Variants in DUSP22 observed in about 807,000 individuals in gnomAD.
DUSP22 encodes dual specificity phosphatase 22, also known as dual specificity protein phosphatase 22.
Under a neutral mutation model 24.5 loss-of-function variants are expected in DUSP22, and 24 were observed. The observed-to-expected ratio is 0.98, with a 90% CI of 0.71 to 1.38. DUSP22 has a LOEUF of 1.38. Among genes scored for constraint, DUSP22 ranks in the 40% most tolerant of loss-of-function variants. The pLI is 0.00. For missense variants in DUSP22, 330 were observed against 269.2 expected (o/e 1.23, Z -1.58); for synonymous variants, 160 against 106.4 (o/e 1.50, Z -3.10).
At chr6:297,039 A>T (rs7772810) in intron 1 of DUSP22, among the ~76,000 whole-genome samples, 1 of 152,128 alleles carries the variant, frequency 6.6e-6, no homozygotes, top group African/African-American at 2.4e-5. Flanking sequence ...TCTTGTTTCC[A>T]TGGGGAGCGC....
At chr6:346,481 A>G (rs1759881848) in intron 5 of DUSP22, among the ~76,000 whole-genome samples, 2 of 152,284 alleles carry the variant, frequency 1.3e-5, no homozygotes, top group Admixed American at 1.3e-4. Context: ...CTACTGTATC[A>G]CGCTTAACCC....
chr6:326,954 C>T (rs560213353), intron 3 of DUSP22, among the ~76,000 whole-genome samples: 14 of 152,418 alleles, frequency 9.2e-5, no homozygotes, highest in East Asian at 7.7e-4. Flanking sequence ...CTGTCTAGAC[C>T]GAGGCTTGGC....
intron 1 of DUSP22, among the ~76,000 whole-genome samples, chr6:297,558 T>C (rs1757395341): frequency 6.6e-6 from 1 of 152,298 alleles, no homozygotes; most frequent in Non-Finnish European, 1.5e-5. Context: ...ATGAGAGGTT[T>C]AGCAACATCT....
chr6:323,626 G>A (rs948316979), intron 3 of DUSP22, among the ~76,000 whole-genome samples: 2 of 152,302 alleles, frequency 1.3e-5, no homozygotes, highest in African/African-American at 2.4e-5. Flanking sequence ...GTGGCTCTTA[G>A]GGCGTCCCTT....
At chr6:306,806 C>G (rs568455273) in intron 2 of DUSP22, among the ~76,000 whole-genome samples, 8 of 152,306 alleles carry the variant, frequency 5.3e-5, no homozygotes, top group African/African-American at 2.4e-5. Context: ...CTATCAGAGT[C>G]CAACAGCAGG....
chr6:326,888 A>G (rs1392817735), intron 3 of DUSP22, among the ~76,000 whole-genome samples: 1 of 152,310 alleles, frequency 6.6e-6, no homozygotes, highest in African/African-American at 2.4e-5. Context: ...AATGGAGAAG[A>G]CAAATGGGAT....
At chr6:298,879 T>C (rs1757457610) in intron 1 of DUSP22, among the ~76,000 whole-genome samples, 1 of 134,000 alleles carries the variant, frequency 7.5e-6, no homozygotes, top group Non-Finnish European at 1.7e-5. Context: ...GCAAGATCAG[T>C]CCGAAAGTAA....
rs556379306 is a variant in DUSP22, at chr6:350,882, T to A, written c.*1931T>A. 3.1e-6 allele frequency: 5 copies of A among 1,614,188 alleles called. No homozygotes were observed. Among genetic ancestry groups the A allele is most frequent in the Non-Finnish European group, 4.2e-6 (5 of 1,179,974 alleles). ...AGAAGACTGTAATGTACCTGAAGTT[T>A]CTGAAATATTGCAAACCCACAGAGT... is the stretch of plus-strand genomic sequence containing the variant. On this transcript the variant is annotated 3_prime_UTR_variant, in exon 7 of 7. Coordinates refer to ENST00000419235, the MANE Select transcript of DUSP22 (RefSeq NM_001286555.3).
chr6:336,723 G>A (rs1759376126), intron 4 of DUSP22, among the ~76,000 whole-genome samples: 2 of 152,306 alleles, frequency 1.3e-5, no homozygotes. Flanking sequence ...GATTGAGGAT[G>A]GTGGAGGGGG....
intron 1 of DUSP22, among the ~76,000 whole-genome samples, chr6:298,824 G>A (rs372842523): frequency 3.5e-4 from 53 of 152,408 alleles, no homozygotes; most frequent in African/African-American, 1.2e-3. Context: ...ACTCTGGGCA[G>A]GTTTTAGGGA....
At chr6:293,944 A>G (rs1391446223) in intron 1 of DUSP22, among the ~76,000 whole-genome samples, 2 of 152,270 alleles carry the variant, frequency 1.3e-5, no homozygotes, top group South Asian at 2.1e-4. Flanking sequence ...ACAGAACAAT[A>G]AAGATGGTCA....
At chr6:308,457 G>A (rs925758868) in intron 2 of DUSP22, among the ~76,000 whole-genome samples, 1 of 152,182 alleles carries the variant, frequency 6.6e-6, no homozygotes, top group Non-Finnish European at 1.5e-5. Context: ...TAAGTGGGCA[G>A]AGCCTGTGCC....
intron 4 of DUSP22, among the ~76,000 whole-genome samples, chr6:341,238 A>G (rs1488066583): frequency 6.6e-6 from 1 of 152,302 alleles, no homozygotes; most frequent in African/African-American, 2.4e-5. Context: ...GACTGAGCCT[A>G]TTCCACACGG....
At chr6:297,873 G>A (rs534302114) in intron 1 of DUSP22, among the ~76,000 whole-genome samples, 15 of 152,410 alleles carry the variant, frequency 9.8e-5, no homozygotes, top group South Asian at 6.2e-4. Flanking sequence ...GGCTGCCTGC[G>A]TAATCCAGTC....
intron 3 of DUSP22, among the ~76,000 whole-genome samples, chr6:314,368 G>A (rs2666947): frequency 1 from 151,839 of 152,420 alleles, 75,629 homozygotes; most frequent in Non-Finnish European, 1. Flanking sequence ...GAAGGGTTTT[G>A]GTCCTGCTAC....
intron 5 of DUSP22, 47 bp from the exon 6 acceptor site, chr6:348,056 G>C (rs563685811): frequency 1.2e-6 from 2 of 1,608,100 alleles, no homozygotes; most frequent in Non-Finnish European, 1.7e-6. Flanking sequence ...CGATGAACCC[G>C]GAGATCTGAA....
intron 1 of DUSP22, among the ~76,000 whole-genome samples, chr6:297,671 G>A (rs933945070): frequency 2.6e-5 from 4 of 152,306 alleles, no homozygotes; most frequent in African/African-American, 4.8e-5. Context: ...ATCATCCCCA[G>A]TTGAGAACCA....
chr6:319,380 TCC>T (rs1561661199), intron 3 of DUSP22, among the ~76,000 whole-genome samples: 53 of 152,406 alleles, frequency 3.5e-4, no homozygotes, highest in Non-Finnish European at 5.0e-4. Context: ...CATCCTGTTG[TCC>T]ACGGCCGATT....
At chr6:314,442 A>T (rs1360386095) in intron 3 of DUSP22, among the ~76,000 whole-genome samples, 8 of 152,304 alleles carry the variant, frequency 5.3e-5, no homozygotes, top group African/African-American at 1.9e-4. Flanking sequence ...TACACTGTGG[A>T]TACTTCTTTG....
Sources: allele counts gnomAD v4.1 joint callset (sites outside exome capture counted in the v4.1 genomes callset), GRCh38; gene constraint gnomAD v4.1.1; transcripts MANE v1.5; gene names NCBI Gene and HGNC (gene_info 2026-07-23, HGNC 2026-07-21).